PALB2: variants seen among roughly 807,000 people sequenced by gnomAD.
PALB2 encodes the protein mutant partner and localizer of BRCA2.
In PALB2, 82 loss-of-function variants were observed where a neutral mutation model predicts 107.4. The observed-to-expected ratio is 0.76, with a 90% CI of 0.64 to 0.92. PALB2 has a LOEUF of 0.92. PALB2 is among the 40% of genes least tolerant of loss of function. The pLI is 0.00. For synonymous variants in PALB2, 489 were observed against 496.8 expected, an observed-to-expected ratio of 0.98 and a Z score of 0.21; for missense variants, 1,374 against 1,379.9, an observed-to-expected ratio of 1.00 and a Z score of 0.07.
intron 11 of PALB2, among the ~76,000 whole-genome samples, chr16:23,608,280 C>G (rs1966518745): frequency 2.0e-5 from 3 of 151,922 alleles, no homozygotes. Flanking sequence ...TTGTTGAACA[C>G]CTGGCCTCAA....
At chr16:23,628,531 C>A (rs780044772) in intron 6 of PALB2, among the ~76,000 whole-genome samples, 2 of 152,170 alleles carry the variant, frequency 1.3e-5, no homozygotes, top group Non-Finnish European at 2.9e-5. Context: ...AGAACTGCTC[C>A]CCATTTTCTT....
intron 10 of PALB2, among the ~76,000 whole-genome samples, chr16:23,620,305 T>G (rs1966750822): frequency 6.6e-6 from 1 of 152,192 alleles, no homozygotes; most frequent in South Asian, 2.1e-4. Flanking sequence ...TTTTATTTTT[T>G]GCTCTCTCCT....
At chr16:23,632,055 C>A (rs1428198929) in intron 4 of PALB2, among the ~76,000 whole-genome samples, 1 of 152,144 alleles carries the variant, frequency 6.6e-6, no homozygotes, top group Non-Finnish European at 1.5e-5. Flanking sequence ...AATGCATAAA[C>A]AAACTGTGGT....
intron 7 of PALB2, among the ~76,000 whole-genome samples, chr16:23,625,719 C>A (rs1003467700): frequency 1.1e-4 from 16 of 152,088 alleles, no homozygotes; most frequent in South Asian, 4.2e-4. Context: ...ATCCCTTGAA[C>A]CTGGGCGGCA....
chr16:23,634,594 C>T (rs142847143), intron 4 of PALB2, among the ~76,000 whole-genome samples: 1 of 152,200 alleles, frequency 6.6e-6, no homozygotes, highest in Non-Finnish European at 1.5e-5. Flanking sequence ...AGAGGCTGCA[C>T]CACGGCACTC....
At chr16:23,631,109 CAAAAAAA>C (rs58841030) in intron 4 of PALB2, among the ~76,000 whole-genome samples, 18 of 58,448 alleles carry the variant, frequency 3.1e-4, no homozygotes, top group Admixed American at 1.5e-3. Context: ...ACTAAAAATA[CAAAAAAA>C]AAAAAAAAAA....
chr16:23,621,224 A>C, intron 10 of PALB2, 138 bp downstream of exon 10: 2 of 704,504 alleles, frequency 2.8e-6, no homozygotes, highest in South Asian at 3.1e-5. Flanking sequence ...CACAACAAAA[A>C]CAACAACAAC....
At position 23,636,182 on chromosome 16, in the gene PALB2, C is replaced by A. The variant is rs730881880; in HGVS notation, c.364G>T (p.Asp122Tyr). ...TGGGGAAAATGTTCTTGGGTGTCAT[C>A]TGTTCTTTGTATAGGTAATCCTCCT... Reference protein sequence around the residue: ...GPGGLPIQRTDDTQEHFPHRV... With the variant: ...GPGGLPIQRTYDTQEHFPHRV... Residue 122 changes from aspartate to tyrosine, a missense_variant, in exon 4 of 13, where the codon GAT (aspartate) becomes TAT (tyrosine). Transcript: ENST00000261584. 1.2e-6 allele frequency: 2 copies of A among 1,612,820 alleles called. No homozygotes were observed. Among genetic ancestry groups the A allele is most frequent in the African/African-American group, 2.7e-5 (2 of 74,722 alleles).
chr16:23,634,593 A>G (rs1966935736), intron 4 of PALB2, among the ~76,000 whole-genome samples: 1 of 152,140 alleles, frequency 6.6e-6, no homozygotes, highest in South Asian at 2.1e-4. Flanking sequence ...TAGAGGCTGC[A>G]CCACGGCACT....
At chr16:23,615,296 C>T (rs1449534399) in intron 10 of PALB2, among the ~76,000 whole-genome samples, 1 of 151,886 alleles carries the variant, frequency 6.6e-6, no homozygotes, top group East Asian at 1.9e-4. Flanking sequence ...ACTGCTTTGT[C>T]ATGATACTCT....
intron 6 of PALB2, among the ~76,000 whole-genome samples, chr16:23,627,620 AAGT>A (rs1966848205): frequency 6.6e-6 from 1 of 152,172 alleles, no homozygotes; most frequent in Non-Finnish European, 1.5e-5. Context: ...CAATAAAAAA[AAGT>A]AGGAAGGAAT....
At chr16:23,634,462 C>T (rs993424661) in intron 4 of PALB2, among the ~76,000 whole-genome samples, 2 of 151,914 alleles carry the variant, frequency 1.3e-5, no homozygotes, top group African/African-American at 4.8e-5. Context: ...TCAGCCTGGG[C>T]AACAGGGCAG....
intron 3 of PALB2, among the ~76,000 whole-genome samples, chr16:23,637,426 G>A (rs912722659): frequency 2.6e-5 from 4 of 151,976 alleles, no homozygotes; most frequent in Non-Finnish European, 5.9e-5. Context: ...TATTGCAGCC[G>A]GGCACAGTGG....
At position 23,638,081 on chromosome 16, in the gene PALB2, C is replaced by G. The variant is rs747302288; in HGVS notation, c.97G>C (p.Ala33Pro). 1 of 1,613,908 alleles carries G rather than the reference C, an allele frequency of 6.2e-7. No individual in the cohort carries two copies. Among genetic ancestry groups the G allele is most frequent in the Non-Finnish European group, 8.5e-7 (1 of 1,179,826 alleles). ...FLKREYSKTL[A>P]RLQRAQRAEK... ...TACGATTCACTTACCTGAAGGCGGG[C>G]TAGTGTCTTGCTGTATTCCCTTTTC... Residue 33 changes from alanine to proline, a missense_variant, in exon 2 of 13, where the codon GCC (alanine) becomes CCC (proline). Ala to Pro is a conservative substitution (Grantham distance 27). Coordinates refer to ENST00000261584, the MANE Select transcript of PALB2 (RefSeq NM_024675.4).
chr16:23,619,789 T>C (rs923566629), intron 10 of PALB2, among the ~76,000 whole-genome samples: 2 of 151,188 alleles, frequency 1.3e-5, no homozygotes, highest in East Asian at 1.9e-4. Flanking sequence ...AAAATTATTA[T>C]TTTTTTTTGA....
At chr16:23,610,971 G>A (rs762765841) in intron 11 of PALB2, among the ~76,000 whole-genome samples, 7 of 151,880 alleles carry the variant, frequency 4.6e-5, no homozygotes, top group African/African-American at 9.7e-5. Context: ...CCTGGCAGGC[G>A]GAGGTTGCAG....
At position 23,603,194 on chromosome 16, in the gene PALB2, G is replaced by A. The variant is rs1966389446; in HGVS notation, c.*265C>T. ...TAAAAATAAATATTTATTGCCATTT[G>A]AAGCTTTATGTACACCTTTAAAAGC... On this transcript the variant is annotated 3_prime_UTR_variant, in exon 13 of 13. Coordinates refer to ENST00000261584, the MANE Select transcript of PALB2 (RefSeq NM_024675.4). 2.6e-6 allele frequency: 1 copy of A among 380,652 alleles called. No individual in the cohort carries two copies. The highest frequency in any genetic ancestry group is 4.2e-5 in the East Asian group (1 of 23,810). The allele number at this position is 380,652 out of a possible 1,614,324, so 23.6% of individuals were successfully genotyped here. A position where few individuals can be genotyped will look rare whatever the true frequency, so the allele number is the denominator to read the frequency against.
intron 4 of PALB2, among the ~76,000 whole-genome samples, chr16:23,631,273 CTG>C (rs1469280183): frequency 2.9e-5 from 3 of 104,706 alleles, no homozygotes; most frequent in African/African-American, 1.2e-4. Flanking sequence ...GAGTGAGACT[CTG>C]TCTCAAAAAA....
intron 3 of PALB2, 55 bp from the exon 4 acceptor site, chr16:23,636,389 A>G: frequency 8.2e-7 from 1 of 1,220,524 alleles, no homozygotes; most frequent in Non-Finnish European, 1.1e-6. Context: ...ATAAAACAAA[A>G]AATACTCATT....
Sources: gnomAD v4.1 joint callset for allele counts (sites outside exome capture counted in the v4.1 genomes callset) on GRCh38, gnomAD v4.1.1 for gene constraint, MANE v1.5 for transcripts, NCBI Gene and HGNC (gene_info 2026-07-23, HGNC 2026-07-21) for gene names.